Variants in XRN2 observed in about 807,000 individuals in gnomAD.
XRN2 encodes the protein 5'-3' exoribonuclease 2.
XRN2 carries 44 observed loss-of-function variants against 138.5 expected under a neutral mutation model. The ratio of observed to expected loss-of-function variants is 0.32; its 90% confidence interval spans 0.25 to 0.41. The LOEUF (loss-of-function observed/expected upper bound fraction) is 0.41, where lower values mean the gene tolerates loss of function less well. XRN2 is among the 10% of genes least tolerant of loss of function. The probability of loss-of-function intolerance (pLI) is 1.00; values close to 1 mark genes in which losing one functional copy is unlikely to be tolerated. For synonymous variants in XRN2, 354 were observed against 369.4 expected (o/e 0.96, Z 0.48); for missense variants, 937 against 1,169.3 (o/e 0.80, Z 2.90).
intron 28 of XRN2, 109 bp downstream of exon 28, chr20:21,382,166 C>T: frequency 2.4e-6 from 2 of 831,526 alleles, no homozygotes; most frequent in Non-Finnish European, 3.5e-6. Context: ...TACTTTTTCC[C>T]ACCAAAAACA....
chr20:21,383,153 T>C (rs1194655558), intron 28 of XRN2, among the ~76,000 whole-genome samples: 1 of 152,234 alleles, frequency 6.6e-6, no homozygotes, highest in Non-Finnish European at 1.5e-5. Context: ...GTCAACTTAG[T>C]GCAAGTCTCA....
chr20:21,303,368 G>T lies in XRN2; in HGVS notation c.-31G>T, dbSNP rs1051520233. ...GTCTCTTTGGTTACGCTCGTCAGCC[G>T]GTCGGCCGCCGCCTCCAGCCGTGTG... On this transcript the variant is annotated 5_prime_UTR_variant, in exon 1 of 30. Coordinates refer to ENST00000377191, the MANE Select transcript of XRN2 (RefSeq NM_012255.5). The T allele has an allele frequency of 6.5e-6, 10 of 1,541,494 alleles. No individual in the cohort carries two copies. In the Admixed American group the frequency reaches 8.0e-5, roughly 12 times the overall value.
chr20:21,320,989 C>T (rs2038034082), intron 1 of XRN2, among the ~76,000 whole-genome samples: 1 of 152,048 alleles, frequency 6.6e-6, no homozygotes, highest in African/African-American at 2.4e-5. Context: ...CTCCCAGTTG[C>T]TCTTCACCAT....
intron 6 of XRN2, among the ~76,000 whole-genome samples, chr20:21,331,225 T>C (rs1212690914): frequency 6.6e-6 from 1 of 152,192 alleles, no homozygotes; most frequent in Non-Finnish European, 1.5e-5. Context: ...TGCATAGTAG[T>C]GAAAATAGGA....
At chr20:21,309,644 CT>C (rs1195582615) in intron 1 of XRN2, among the ~76,000 whole-genome samples, 1 of 152,112 alleles carries the variant, frequency 6.6e-6, no homozygotes, top group African/African-American at 2.4e-5. Flanking sequence ...TTGGACACCC[CT>C]GATCTAAGTA....
Position 21,357,876 on chromosome 20 carries a change from G to A in XRN2, c.2255+84G>A, listed in dbSNP as rs1226520768. On this transcript the variant is annotated intron_variant, in intron 24 of 29. Coordinates refer to ENST00000377191, the MANE Select transcript of XRN2 (RefSeq NM_012255.5). ...ATTTTAAAAGACCTTTGATTCACAAGGAAATGGCAGCTGTTAATCCACCAA... is the reference window on the plus strand; with the variant it reads ...ATTTTAAAAGACCTTTGATTCACAAAGAAATGGCAGCTGTTAATCCACCAA... The A allele has an allele frequency of 6.0e-6, 7 of 1,175,528 alleles. No homozygotes were observed. In the South Asian group the frequency reaches 9.3e-5, roughly 16 times the overall value. The allele number at this position is 1,175,528 out of a possible 1,614,324, so 72.8% of individuals were successfully genotyped here.
intron 4 of XRN2, among the ~76,000 whole-genome samples, chr20:21,329,740 A>G: frequency 6.6e-6 from 1 of 152,240 alleles, no homozygotes; most frequent in East Asian, 1.9e-4. Flanking sequence ...ATATTCCTCT[A>G]CCTGATAATT....
chr20:21,363,238 T>G (rs1450392423), intron 24 of XRN2, among the ~76,000 whole-genome samples: 6 of 152,190 alleles, frequency 3.9e-5, no homozygotes, highest in Non-Finnish European at 7.3e-5. Context: ...TTTCCCTTAT[T>G]AGAAGGGGAG....
At chr20:21,331,399 TCACACACACACACA>T (rs71806398) in intron 6 of XRN2, among the ~76,000 whole-genome samples, 148 bp from the exon 7 acceptor site, 23 of 143,952 alleles carry the variant, frequency 1.6e-4, no homozygotes, top group Non-Finnish European at 2.4e-4. Context: ...TTGGTGTTTT[TCACACACACACACA>T]CACACACACA....
At chr20:21,344,035 C>T in intron 15 of XRN2, 55 bp from the exon 16 acceptor site, 2 of 1,359,980 alleles carry the variant, frequency 1.5e-6, no homozygotes, top group Non-Finnish European at 2.1e-6. Context: ...GATGTACCTT[C>T]TTATGTAAAA....
At chr20:21,348,648 T>C (rs960465868) in intron 19 of XRN2, among the ~76,000 whole-genome samples, 3 of 152,130 alleles carry the variant, frequency 2.0e-5, no homozygotes, top group Non-Finnish European at 4.4e-5. Context: ...TTTGATTTTT[T>C]TGTTTGTTTG....
At chr20:21,378,823 G>A (rs1157617602) in intron 27 of XRN2, among the ~76,000 whole-genome samples, 1 of 152,202 alleles carries the variant, frequency 6.6e-6, no homozygotes, top group African/African-American at 2.4e-5. Context: ...CAACTGTCAA[G>A]TGTCTGCTGT....
intron 1 of XRN2, among the ~76,000 whole-genome samples, chr20:21,308,202 G>A (rs1162381947): frequency 6.6e-6 from 1 of 151,926 alleles, no homozygotes; most frequent in African/African-American, 2.4e-5. Context: ...TTTAATTTTT[G>A]GATAGTATTC....
rs1433313551 is a variant in XRN2 at position 21,357,805 on chromosome 20, A to G, written c.2255+13A>G. 2 of 1,597,558 alleles carry G rather than the reference A, an allele frequency of 1.3e-6. No individual in the cohort carries two copies. The highest frequency in any genetic ancestry group is 1.7e-5 in the Admixed American group (1 of 57,506). ...ACACTGTAGTCAGGTAAGTTTTCCA[A>G]AATTCATGGCATTCACCCAGAACAC... On this transcript the variant is annotated intron_variant, in intron 24 of 29. Transcript: ENST00000377191.
chr20:21,382,710 G>A (rs2038898507), intron 28 of XRN2, among the ~76,000 whole-genome samples: 1 of 152,200 alleles, frequency 6.6e-6, no homozygotes, highest in African/African-American at 2.4e-5. Flanking sequence ...AATAACAAGG[G>A]ATGTTTAACA....
At chr20:21,350,752 G>C (rs2038499632) in intron 20 of XRN2, among the ~76,000 whole-genome samples, 1 of 151,952 alleles carries the variant, frequency 6.6e-6, no homozygotes, top group African/African-American at 2.4e-5. Context: ...TTGAGACAAA[G>C]GGGGAATAAA....
At chr20:21,362,630 C>G (rs1321535250) in intron 24 of XRN2, among the ~76,000 whole-genome samples, 1 of 152,198 alleles carries the variant, frequency 6.6e-6, no homozygotes, top group East Asian at 1.9e-4. Flanking sequence ...TCATTGACTA[C>G]TTGCAAAGGC....
At chr20:21,325,387 A>T (rs1727584746) in intron 1 of XRN2, among the ~76,000 whole-genome samples, 1 of 152,258 alleles carries the variant, frequency 6.6e-6, no homozygotes, top group African/African-American at 2.4e-5. Context: ...AACTCAATGT[A>T]GCTGGGGTAG....
chr20:21,311,895 C>A (rs542801100), intron 1 of XRN2, among the ~76,000 whole-genome samples: 19 of 152,134 alleles, frequency 1.2e-4, no homozygotes, highest in Admixed American at 6.5e-4. Flanking sequence ...ACTCAGGAGG[C>A]TGAGGCACAA....
Sources: gnomAD v4.1 joint callset for allele counts (sites outside exome capture counted in the v4.1 genomes callset) on GRCh38, gnomAD v4.1.1 for gene constraint, MANE v1.5 for transcripts, NCBI Gene and HGNC (gene_info 2026-07-23, HGNC 2026-07-21) for gene names.